The following PCDHGA4 variants were observed in gnomAD, a reference collection of about 807,000 sequenced individuals.
The protein encoded by PCDHGA4 is protocadherin gamma subfamily A, 4, also known as protocadherin gamma-A4.
Under a neutral mutation model 54.6 loss-of-function variants are expected in PCDHGA4, and 38 were observed. The observed-to-expected ratio is 0.70, with a 90% CI of 0.54 to 0.91. The LOEUF is 0.91. Ranked by LOEUF, PCDHGA4 falls within the 40% of genes least tolerant of loss-of-function variation. The pLI is 0.00. For missense variants in PCDHGA4, 1,298 were observed against 1,220.9 expected (o/e 1.06, Z -0.94); for synonymous variants, 511 against 512.9 (o/e 1.00, Z 0.05).
At chr5:141,369,404 T>C (rs1340022164) in intron 1 of PCDHGA4, among the ~76,000 whole-genome samples, 1 of 152,184 alleles carries the variant, frequency 6.6e-6, no homozygotes, top group Non-Finnish European at 1.5e-5. Flanking sequence ...GGGTGGTTCA[T>C]GACTATAATC....
intron 1 of PCDHGA4, chr5:141,396,447 C>A: frequency 6.6e-6 from 1 of 152,186 alleles, no homozygotes. Flanking sequence ...GGTGAAACCC[C>A]GTCTCTACTA....
intron 1 of PCDHGA4, among the ~76,000 whole-genome samples, chr5:141,484,685 T>G (rs2099599013): frequency 6.6e-6 from 1 of 151,934 alleles, no homozygotes; most frequent in Non-Finnish European, 1.5e-5. Flanking sequence ...TTGCTAGGGC[T>G]CAGGCTGTGG....
In PCDHGA4 at chr5:141,490,594, C is replaced by A. The variant is rs1276468877; in HGVS notation, c.2515-4213C>A. The A allele has an allele frequency of 2.5e-6, 4 of 1,614,056 alleles. No individual in the cohort carries two copies. The highest frequency in any genetic ancestry group is 1.6e-4 in the Middle Eastern group (1 of 6,084). On this transcript the variant is annotated intron_variant, in intron 1 of 3. Transcript: ENST00000571252. The surrounding 1 kb of genome is among the most constrained non-coding windows in gnomAD (Gnocchi z 5.4). ...CATTTCAGATGTCAATGACAATGCA[C>A]CCCGCTTCAACCAGCAGCTTTACAC...
Position 141,496,888 on chromosome 5 carries a change from TA to T in PCDHGA4, c.2573+2038del, listed in dbSNP as rs35063790. 4.6e-3 allele frequency among the ~76,000 whole-genome samples: 621 copies of T among 133,932 alleles called. 1 individual carries two copies. Among genetic ancestry groups the T allele is most frequent in the Middle Eastern group, 0.011 (3 of 270 alleles). 87.9% of individuals were successfully genotyped at this position (133,932 alleles called of 152,430 possible). ...CTGAAAATTTGCAACAAGTAACACT[TA>T]AAAAAAAAAAAAAAGGCTGGGCACT... On this transcript the variant is annotated intron_variant, in intron 2 of 3. Coordinates refer to ENST00000571252, the MANE Select transcript of PCDHGA4 (RefSeq NM_018917.4).
intron 1 of PCDHGA4, among the ~76,000 whole-genome samples, chr5:141,474,029 C>T (rs1047673843): frequency 6.6e-6 from 1 of 152,092 alleles, no homozygotes; most frequent in Non-Finnish European, 1.5e-5. Context: ...ATGATTATTC[C>T]ACTGTACTCC....
rs181397365 is a variant in PCDHGA4, at chr5:141,481,810, G to A, written c.2515-12997G>A. Among the ~76,000 whole-genome samples, 99 of 151,944 alleles carry A rather than the reference G, an allele frequency of 6.5e-4. 1 individual carries two copies. The highest frequency in any genetic ancestry group is 2.4e-3 in the African/African-American group (98 of 41,418). On this transcript the variant is annotated intron_variant, in intron 1 of 3. Transcript: ENST00000571252. ...CTACTAAAAATACAAAAATTCACCA[G>A]GCGTGGTGGCTGAGGCAGGAGAATC...
chr5:141,424,776 A>G (rs1406581367), intron 1 of PCDHGA4: 2 of 152,154 alleles, frequency 1.3e-5, no homozygotes, highest in African/African-American at 4.8e-5. Context: ...CAAATAGTAC[A>G]TTCAGTTCTT....
At chr5:141,406,957 G>A (rs184355186) in intron 1 of PCDHGA4, among the ~76,000 whole-genome samples, 69 of 152,242 alleles carry the variant, frequency 4.5e-4, no homozygotes, top group African/African-American at 1.6e-3. Context: ...ACATAGTGTT[G>A]TTTCAAATAG....
intron 1 of PCDHGA4, among the ~76,000 whole-genome samples, chr5:141,480,451 T>G (rs2099519323): frequency 6.6e-6 from 1 of 152,136 alleles, no homozygotes; most frequent in African/African-American, 2.4e-5. Flanking sequence ...ATAATTATTT[T>G]TATTAGTTCC....
chr5:141,436,859 A>T (rs550974791), intron 1 of PCDHGA4, among the ~76,000 whole-genome samples: 1 of 152,250 alleles, frequency 6.6e-6, no homozygotes, highest in Non-Finnish European at 1.5e-5. Flanking sequence ...TTGAGAAGCC[A>T]CAGTTTTAGG....
chr5:141,404,169 C>T (rs199556803), intron 1 of PCDHGA4: 118 of 1,612,734 alleles, frequency 7.3e-5, no homozygotes, highest in Non-Finnish European at 8.8e-5. Flanking sequence ...AGATTGTTGA[C>T]GGCCCAAATT....
chr5:141,495,839 A>G (rs2099764148), intron 2 of PCDHGA4, among the ~76,000 whole-genome samples: 1 of 150,756 alleles, frequency 6.6e-6, no homozygotes, highest in South Asian at 2.1e-4. Flanking sequence ...CCCAGCCTCT[A>G]TGTTTCTCTG....
At position 141,490,124 on chromosome 5, in the gene PCDHGA4, T is replaced by C. The variant is rs1216088470; in HGVS notation, c.2515-4683T>C. On this transcript the variant is annotated intron_variant, in intron 1 of 3. Transcript: ENST00000571252. The surrounding 1 kb of genome is among the most constrained non-coding windows in gnomAD (Gnocchi z 5.4). ...GAGGCAGTGCGGAACCTCTTTGGCCTAGACCCTAGCAGTGGGGCAATCCAT... is the reference window on the plus strand; with the variant it reads ...GAGGCAGTGCGGAACCTCTTTGGCCCAGACCCTAGCAGTGGGGCAATCCAT... 6.2e-7 allele frequency: 1 copy of C among 1,614,144 alleles called. No individual in the cohort carries two copies. Among genetic ancestry groups the C allele is most frequent in the Non-Finnish European group, 8.5e-7 (1 of 1,180,054 alleles).
intron 1 of PCDHGA4, among the ~76,000 whole-genome samples, chr5:141,463,209 A>G (rs1189251811): frequency 6.6e-6 from 1 of 152,140 alleles, no homozygotes; most frequent in African/African-American, 2.4e-5. Flanking sequence ...TTGGGGATCC[A>G]TATTAATATT....
At chr5:141,382,683 G>A in intron 1 of PCDHGA4, 1 of 444,266 alleles carries the variant, frequency 2.3e-6, no homozygotes, top group Non-Finnish European at 4.0e-6. Context: ...ACCAACCAGG[G>A]AAAAATGGTG....
At position 141,356,586 on chromosome 5, in the gene PCDHGA4, T is replaced by C. The variant is rs898846586; in HGVS notation, c.1479T>C (p.Pro493=). 1 of 1,614,058 alleles carries C rather than the reference T, an allele frequency of 6.2e-7. No individual in the cohort carries two copies. The highest frequency in any genetic ancestry group is 1.3e-5 in the African/African-American group (1 of 74,928). ...ATGCTTCCTACTCTGCTTACATTCC[T>C]GAAAACAACCCCAGAGGAGCCTCCA... ...FPHASYSAYI[P]ENNPRGASIL... The change falls in exon 1 of 4, where the codon CCT becomes CCC. Residue 493 remains proline, a synonymous_variant. Coordinates refer to ENST00000571252, the MANE Select transcript of PCDHGA4 (RefSeq NM_018917.4).
chr5:141,413,265 T>C, intron 1 of PCDHGA4: 1 of 1,613,958 alleles, frequency 6.2e-7, no homozygotes, highest in Non-Finnish European at 8.5e-7. Context: ...CATGGGAGGC[T>C]GGAGCCCGGC....
chr5:141,492,619 G>A lies in PCDHGA4; in HGVS notation c.2515-2188G>A, dbSNP rs778698501. ...GCGACTGCCGCTCTAAGTGCCGGGC[G>A]GGCAGGACTCTACGATCCTTGGGCC... On this transcript the variant is annotated intron_variant, in intron 1 of 3. Coordinates refer to ENST00000571252, the MANE Select transcript of PCDHGA4 (RefSeq NM_018917.4). 7.8e-4 allele frequency among the ~76,000 whole-genome samples: 118 copies of A among 152,234 alleles called. 1 individual carries two copies. The highest frequency in any genetic ancestry group is 3.3e-3 in the Admixed American group (51 of 15,282).
At chr5:141,443,871 G>A (rs1395939418) in intron 1 of PCDHGA4, among the ~76,000 whole-genome samples, 1 of 152,112 alleles carries the variant, frequency 6.6e-6, no homozygotes, top group East Asian at 1.9e-4. Context: ...AAAAATTACT[G>A]ATAAGTCAAG....
Sources: allele counts gnomAD v4.1 joint callset (sites outside exome capture counted in the v4.1 genomes callset), GRCh38; gene constraint gnomAD v4.1.1; non-coding constraint Gnocchi (gnomAD v3.1); transcripts MANE v1.5; gene names NCBI Gene and HGNC (gene_info 2026-07-23, HGNC 2026-07-21).